Variants in RASA1 observed in about 807,000 individuals in gnomAD.
RASA1 encodes the protein ras GTPase-activating protein 1.
RASA1 carries 25 observed loss-of-function variants against 132.2 expected under a neutral mutation model. That is an observed-to-expected ratio of 0.19 (90% confidence interval 0.14 to 0.26). RASA1 has a LOEUF of 0.26. Among genes scored for constraint, RASA1 ranks in the 10% least tolerant of loss-of-function variants. The probability of loss-of-function intolerance (pLI) is 1.00; values close to 1 mark genes in which losing one functional copy is unlikely to be tolerated. For missense variants in RASA1, 964 were observed against 1,299.2 expected, an observed-to-expected ratio of 0.74 and a Z score of 3.97; for synonymous variants, 477 against 449.9, an observed-to-expected ratio of 1.06 and a Z score of -0.76.
intron 1 of RASA1, among the ~76,000 whole-genome samples, chr5:87,300,397 G>A (rs1755309793): frequency 6.6e-6 from 1 of 152,002 alleles, no homozygotes; most frequent in Non-Finnish European, 1.5e-5. Context: ...GGGCAGGGTG[G>A]CCTCTGCGTG....
intron 6 of RASA1, 133 bp from the exon 7 acceptor site, chr5:87,346,539 A>C (rs1758873384): frequency 1.9e-6 from 1 of 529,712 alleles, no homozygotes; most frequent in South Asian, 2.7e-5. Context: ...ATGTAATAAG[A>C]ATGAGATGAT....
chr5:87,338,489 G>A (rs886939028), intron 5 of RASA1, among the ~76,000 whole-genome samples: 80 of 118,038 alleles, frequency 6.8e-4, no homozygotes, highest in African/African-American at 2.5e-3. Context: ...GTGCCACCAT[G>A]CCCAGCTAAT....
chr5:87,287,588 C>T (rs1355104241), intron 1 of RASA1, among the ~76,000 whole-genome samples: 13 of 144,748 alleles, frequency 9.0e-5, no homozygotes, highest in Non-Finnish European at 1.5e-5. Context: ...CATATATATA[C>T]ACCATACATA....
At chr5:87,277,513 C>T (rs1471517188) in intron 1 of RASA1, among the ~76,000 whole-genome samples, 4 of 152,112 alleles carry the variant, frequency 2.6e-5, no homozygotes, top group Non-Finnish European at 5.9e-5. Context: ...GTGAGGAGGC[C>T]TTCATTTGTC....
chr5:87,304,106 A>G (rs1270611010), intron 1 of RASA1, among the ~76,000 whole-genome samples: 2 of 152,090 alleles, frequency 1.3e-5, no homozygotes, highest in Non-Finnish European at 2.9e-5. Flanking sequence ...AAGTTTTGGG[A>G]TTACAGGCAT....
In RASA1 at chr5:87,267,907, A is replaced by T; in HGVS notation, c.-545A>T. 2.6e-6 allele frequency: 1 copy of T among 389,546 alleles called. No individual in the cohort carries two copies. Among genetic ancestry groups the T allele is most frequent in the Non-Finnish European group, 4.5e-6 (1 of 221,714 alleles). 24.1% of individuals were successfully genotyped at this position (389,546 alleles called of 1,614,324 possible). On this transcript the variant is annotated 5_prime_UTR_variant, in exon 1 of 25. Transcript: ENST00000274376. ...CACTCACTGAGAGCTCCAGGTAGTG[A>T]GCAGTTCAGTCGATTTCCTCGTTAC...
intron 9 of RASA1, 126 bp downstream of exon 9, chr5:87,353,361 T>G (rs1759423067): frequency 1.2e-6 from 1 of 818,588 alleles, no homozygotes; most frequent in Admixed American, 2.4e-5. Context: ...TTATTTAGAT[T>G]TTTTTAGAAA....
chr5:87,390,744 C>T, intron 24 of RASA1, 56 bp from the exon 25 acceptor site: 1 of 1,446,890 alleles, frequency 6.9e-7, no homozygotes, highest in Non-Finnish European at 9.7e-7. Context: ...AGGTTCCCAT[C>T]CTGAAATTGC....
chr5:87,374,114 A>C, intron 13 of RASA1, 49 bp from the exon 14 acceptor site: 2 of 1,270,042 alleles, frequency 1.6e-6, no homozygotes, highest in Non-Finnish European at 1.0e-6. Context: ...ATGTAGTGCA[A>C]TTCTAGAAAT....
At chr5:87,277,571 A>G (rs1237018271) in intron 1 of RASA1, among the ~76,000 whole-genome samples, 1 of 152,174 alleles carries the variant, frequency 6.6e-6, no homozygotes, top group African/African-American at 2.4e-5. Context: ...CAGCACTTTG[A>G]TAGTTCAATT....
At chr5:87,374,740 TAAAG>T in intron 14 of RASA1, 96 bp from the exon 15 acceptor site, 1 of 1,492,700 alleles carries the variant, frequency 6.7e-7, no homozygotes, top group Admixed American at 2.0e-5. Flanking sequence ...TTTTTTTTTT[TAAAG>T]CAGAAATAGG....
intron 1 of RASA1, among the ~76,000 whole-genome samples, chr5:87,326,581 A>G (rs1382037059): frequency 6.6e-6 from 1 of 152,150 alleles, no homozygotes; most frequent in Non-Finnish European, 1.5e-5. Context: ...ATTTACTTTT[A>G]AAATAGGAGA....
At chr5:87,380,145 C>G (rs761957295) in intron 19 of RASA1, among the ~76,000 whole-genome samples, 6 of 152,086 alleles carry the variant, frequency 3.9e-5, no homozygotes, top group Non-Finnish European at 7.4e-5. Context: ...TCCATTTAGT[C>G]TATACTTGAT....
chr5:87,359,954 A>G (rs1759947821), intron 9 of RASA1, among the ~76,000 whole-genome samples: 1 of 152,120 alleles, frequency 6.6e-6, no homozygotes, highest in Non-Finnish European at 1.5e-5. Flanking sequence ...GAACACAGCC[A>G]TCTTGTAAAC....
At chr5:87,315,653 C>T (rs1216457238) in intron 1 of RASA1, among the ~76,000 whole-genome samples, 4 of 152,134 alleles carry the variant, frequency 2.6e-5, no homozygotes, top group Non-Finnish European at 5.9e-5. Flanking sequence ...TTAATAATCT[C>T]ATATTAGAAT....
In RASA1 at chr5:87,374,306, A is replaced by C. The variant is rs1417543688; in HGVS notation, c.1920A>C (p.Glu640Asp). The C allele has an allele frequency of 1.2e-6, 2 of 1,606,560 alleles. No individual in the cohort carries two copies. Among genetic ancestry groups the C allele is most frequent in the East Asian group, 2.2e-5 (1 of 44,466 alleles). The change falls in exon 14 of 25, where the codon GAA (glutamate) becomes GAC (aspartate). Residue 640 changes from glutamate (E) to aspartate (D), a missense_variant. Glu to Asp is a conservative substitution (Grantham distance 45). Coordinates refer to ENST00000274376, the MANE Select transcript of RASA1 (RefSeq NM_002890.3). ...AAGGGCAAAACCCAGTATGGTCAGA[A>C]GAGTTTGTCTTTGAGTAAGTCTTAT... Reference protein sequence around the residue: ...AREGQNPVWSEEFVFDDLPPD... With the variant: ...AREGQNPVWSDEFVFDDLPPD...
At chr5:87,287,385 C>CAT (rs1169865694) in intron 1 of RASA1, among the ~76,000 whole-genome samples, 2 of 138,060 alleles carry the variant, frequency 1.4e-5, no homozygotes, top group South Asian at 2.3e-4. Flanking sequence ...ATACACACAC[C>CAT]ATATATATAC....
At chr5:87,357,344 A>G (rs1459264071) in intron 9 of RASA1, among the ~76,000 whole-genome samples, 1 of 152,072 alleles carries the variant, frequency 6.6e-6, no homozygotes, top group Admixed American at 6.5e-5. Context: ...TTGCCTCCAG[A>G]TGACGGATCC....
chr5:87,298,197 C>T (rs1185520086), intron 1 of RASA1, among the ~76,000 whole-genome samples: 1 of 151,918 alleles, frequency 6.6e-6, no homozygotes, highest in Non-Finnish European at 1.5e-5. Flanking sequence ...ATCACGAGGT[C>T]AGGAGATCGA....
Sources: gnomAD v4.1 joint callset for allele counts (sites outside exome capture counted in the v4.1 genomes callset) on GRCh38, gnomAD v4.1.1 for gene constraint, MANE v1.5 for transcripts, NCBI Gene and HGNC (gene_info 2026-07-23, HGNC 2026-07-21) for gene names.